The following SH3RF1 variants were observed in gnomAD, a reference collection of about 807,000 sequenced individuals.
The protein encoded by SH3RF1 is E3 ubiquitin-protein ligase SH3RF1.
A neutral mutation model predicts 74.0 loss-of-function variants in SH3RF1; 32 were observed. That is an observed-to-expected ratio of 0.43 (90% CI 0.33 to 0.58). The LOEUF (loss-of-function observed/expected upper bound fraction) is 0.58. Among genes scored for constraint, SH3RF1 ranks in the 20% least tolerant of loss-of-function variants. The probability of loss-of-function intolerance (pLI) is 0.05; values close to 1 mark genes in which losing one functional copy is unlikely to be tolerated. For synonymous variants in SH3RF1, 396 were observed against 439.6 expected (o/e 0.90, Z 1.24); for missense variants, 954 against 1,130.9 (o/e 0.84, Z 2.24).
chr4:169,155,698 G>A, intron 3 of SH3RF1, 123 bp from the exon 4 acceptor site: 1 of 720,558 alleles, frequency 1.4e-6, no homozygotes, highest in South Asian at 1.7e-5. Context: ...AAAATGCTAT[G>A]ACATATCTTT....
chr4:169,238,977 C>T (rs1350127227), intron 2 of SH3RF1, among the ~76,000 whole-genome samples: 1 of 151,772 alleles, frequency 6.6e-6, no homozygotes, highest in African/African-American at 2.4e-5. Flanking sequence ...CCCCCCCACC[C>T]CTTGCCCTTT....
At chr4:169,153,397 A>AT (rs1247004383) in intron 4 of SH3RF1, among the ~76,000 whole-genome samples, 4 of 152,174 alleles carry the variant, frequency 2.6e-5, no homozygotes, top group African/African-American at 9.7e-5. Context: ...TTATTTACCA[A>AT]TTTTTGTGAT....
chr4:169,249,144 C>T (rs918298756), intron 2 of SH3RF1, among the ~76,000 whole-genome samples: 5 of 152,130 alleles, frequency 3.3e-5, no homozygotes, highest in Admixed American at 6.5e-5. Flanking sequence ...AGGAGAATGG[C>T]GTGAACCCGG....
chr4:169,096,398 A>C lies in SH3RF1; in HGVS notation c.*121T>G. ...AACTGTGCTGGGGCATCAGAGTCAC[A>C]TACCAATCCTTTGCTCATCTCCTGA... is the stretch of plus-strand genomic sequence containing the variant. On this transcript the variant is annotated 3_prime_UTR_variant, in exon 12 of 12. Coordinates refer to ENST00000284637, the MANE Select transcript of SH3RF1 (RefSeq NM_020870.4). 2.2e-5 allele frequency: 23 copies of C among 1,040,508 alleles called. No individual in the cohort carries two copies. The highest frequency in any genetic ancestry group is 3.0e-5 in the Non-Finnish European group (21 of 710,842). The allele number at this position is 1,040,508 out of a possible 1,614,324, so 64.5% of individuals were successfully genotyped here.
intron 2 of SH3RF1, among the ~76,000 whole-genome samples, chr4:169,210,081 G>A (rs1186567508): frequency 1.3e-5 from 2 of 151,990 alleles, no homozygotes; most frequent in African/African-American, 4.8e-5. Context: ...CAGGCATGAG[G>A]CACCATGCCT....
At chr4:169,144,155 T>C (rs963903192) in intron 4 of SH3RF1, among the ~76,000 whole-genome samples, 1 of 152,218 alleles carries the variant, frequency 6.6e-6, no homozygotes, top group Non-Finnish European at 1.5e-5. Flanking sequence ...GTTAAAGTGC[T>C]CTGTAACATG....
At chr4:169,107,726 C>T (rs1380619558) in intron 10 of SH3RF1, among the ~76,000 whole-genome samples, 1 of 152,200 alleles carries the variant, frequency 6.6e-6, no homozygotes, top group Non-Finnish European at 1.5e-5. Flanking sequence ...ATTCCACAGG[C>T]ATGGACGTGA....
rs371675597 is a variant in SH3RF1 at position 169,120,898 on chromosome 4, C to T, written c.1438G>A (p.Asp480Asn). The T allele has an allele frequency of 5.6e-6, 9 of 1,614,216 alleles. No individual in the cohort carries two copies. The highest frequency in any genetic ancestry group is 7.6e-6 in the Non-Finnish European group (9 of 1,180,042). ...EMFLVFERCQ[D>N]GWFKGTSMHT... Reference sequence around the variant, plus strand: ...ATGGATGTCCCTTTGAACCAGCCATCCTGGCAGCGCTCAAACACTAAAAAC... The same window carrying T: ...ATGGATGTCCCTTTGAACCAGCCATTCTGGCAGCGCTCAAACACTAAAAAC... Residue 480 changes from aspartate (D) to asparagine (N), a missense_variant, in exon 8 of 12, where the codon GAT (aspartate) becomes AAT (asparagine). This residue lies in a region of SH3RF1 where 854 missense variants were observed against 962.5 expected (regional missense o/e 0.89). Coordinates refer to ENST00000284637, the MANE Select transcript of SH3RF1 (RefSeq NM_020870.4).
chr4:169,216,877 G>A (rs937909886), intron 2 of SH3RF1, among the ~76,000 whole-genome samples: 1 of 151,664 alleles, frequency 6.6e-6, no homozygotes, highest in Non-Finnish European at 1.5e-5. Flanking sequence ...TGGGCTAGGC[G>A]CAGTGGCTCA....
intron 2 of SH3RF1, among the ~76,000 whole-genome samples, chr4:169,211,687 T>G (rs1160017912): frequency 6.6e-6 from 1 of 152,140 alleles, no homozygotes; most frequent in Admixed American, 6.5e-5. Context: ...GGGGAAGTGT[T>G]ATGAACAATT....
At chr4:169,111,747 AG>A (rs1733249087) in intron 10 of SH3RF1, among the ~76,000 whole-genome samples, 1 of 152,218 alleles carries the variant, frequency 6.6e-6, no homozygotes, top group South Asian at 2.1e-4. Context: ...GGAAAACATT[AG>A]GGATCTCATA....
chr4:169,214,969 C>T (rs931407223), intron 2 of SH3RF1, among the ~76,000 whole-genome samples: 1 of 152,038 alleles, frequency 6.6e-6, no homozygotes, highest in Non-Finnish European at 1.5e-5. Flanking sequence ...TGTCTTATAA[C>T]ATTAGCTAGG....
chr4:169,241,719 G>A (rs1485196994), intron 2 of SH3RF1, among the ~76,000 whole-genome samples: 2 of 152,320 alleles, frequency 1.3e-5, no homozygotes, highest in Non-Finnish European at 2.9e-5. Flanking sequence ...ACAAAATCCT[G>A]CTGAAACACT....
chr4:169,096,662 G>A lies in SH3RF1; in HGVS notation c.2524C>T (p.Pro842Ser). 1 of 1,614,004 alleles carries A rather than the reference G, an allele frequency of 6.2e-7. No homozygotes were observed. Among genetic ancestry groups the A allele is most frequent in the Non-Finnish European group, 8.5e-7 (1 of 1,179,966 alleles). ...AGTTCAAGTTCTGCCTCACTCTGAGGAGGATAGGAAACCACCACCCTGTGC... is the reference window on the plus strand; with the variant it reads ...AGTTCAAGTTCTGCCTCACTCTGAGAAGGATAGGAAACCACCACCCTGTGC... ...ERHRVVVSYP[P>S]QSEAELELKE... is the part of the protein sequence containing the mutation. The change falls in exon 12 of 12, where the codon CCT becomes TCT. Residue 842 changes from proline to serine, a missense_variant. Transcript: ENST00000284637.
chr4:169,118,000 C>T (rs1180558314), intron 8 of SH3RF1, among the ~76,000 whole-genome samples: 13 of 152,296 alleles, frequency 8.5e-5, no homozygotes, highest in African/African-American at 4.8e-5. Flanking sequence ...AGAAACCACA[C>T]GTCATACTCT....
chr4:169,238,802 T>C (rs1295182571), intron 2 of SH3RF1, among the ~76,000 whole-genome samples: 2 of 152,220 alleles, frequency 1.3e-5, no homozygotes, highest in African/African-American at 4.8e-5. Flanking sequence ...AATTCTCTTA[T>C]TATTACTGTC....
In SH3RF1 at chr4:169,269,102, C is replaced by T. The variant is rs754709059; in HGVS notation, c.111G>A (p.Leu37=). 6.2e-7 allele frequency: 1 copy of T among 1,614,188 alleles called. No individual in the cohort carries two copies. The highest frequency in any genetic ancestry group is 1.1e-5 in the South Asian group (1 of 91,090). Reference sequence around the variant, plus strand: ...CATTTCGAGAACCTACGATCCCCAGCAAACATCGCTTGCAAAACGTATGCT... The same window carrying T: ...CATTTCGAGAACCTACGATCCCCAGTAAACATCGCTTGCAAAACGTATGCT... ...PCQHTFCKRC[L]LGIVGSRNEL... Residue 37 remains leucine (L), a synonymous_variant, in exon 2 of 12, where the codon TTG becomes TTA. Transcript: ENST00000284637.
intron 2 of SH3RF1, among the ~76,000 whole-genome samples, chr4:169,208,846 C>A (rs1730307227): frequency 6.6e-6 from 1 of 151,792 alleles, no homozygotes; most frequent in African/African-American, 2.4e-5. Flanking sequence ...TGGGCCTACG[C>A]AGAAACCCCT....
chr4:169,152,519 C>T (rs186956284), intron 4 of SH3RF1, among the ~76,000 whole-genome samples: 2 of 152,314 alleles, frequency 1.3e-5, no homozygotes, highest in African/African-American at 4.8e-5. Flanking sequence ...AGGCGGATCA[C>T]CTAAGGTCAG....
Sources: allele counts gnomAD v4.1 joint callset (sites outside exome capture counted in the v4.1 genomes callset), GRCh38; gene constraint gnomAD v4.1.1; regional missense constraint gnomAD v4.1.1; transcripts MANE v1.5; gene names NCBI Gene and HGNC (gene_info 2026-07-23, HGNC 2026-07-21).